Variants in ST7 observed in about 807,000 individuals in gnomAD.
The protein encoded by ST7 is suppressor of tumorigenicity 7 protein.
In ST7, 28 loss-of-function variants were observed where a neutral mutation model predicts 78.7. That is an observed-to-expected ratio of 0.36 (90% CI 0.26 to 0.49). The LOEUF (loss-of-function observed/expected upper bound fraction) is 0.49. Ranked by LOEUF, ST7 falls within the 20% of genes least tolerant of loss-of-function variation. The pLI is 0.99. For missense variants in ST7, 418 were observed against 696.0 expected, an observed-to-expected ratio of 0.60 and a Z score of 4.49; for synonymous variants, 247 against 249.6, an observed-to-expected ratio of 0.99 and a Z score of 0.10.
In ST7 at chr7:117,197,947, G is replaced by A. The variant is rs1035885009; in HGVS notation, c.1254+7011G>A. Among the ~76,000 whole-genome samples, 11 of 152,240 alleles carry A rather than the reference G, an allele frequency of 7.2e-5. No individual in the cohort carries two copies. In the East Asian group the frequency reaches 1.9e-3, roughly 27 times the overall value. ...ACAAACAAAAAAATTAGCTGGGTGT[G>A]GTGGCATACTCTACTTGGGAGGCTG... On this transcript the variant is annotated intron_variant, in intron 12 of 15. Transcript: ENST00000323984.
intron 1 of ST7, among the ~76,000 whole-genome samples, chr7:117,001,962 A>T (rs1006260099): frequency 2.0e-5 from 3 of 152,196 alleles, no homozygotes; most frequent in Non-Finnish European, 2.9e-5. Context: ...GTGGTGGCTC[A>T]CGCCTGTAAT....
chr7:117,225,151 T>A (rs758190233), intron 15 of ST7, among the ~76,000 whole-genome samples: 23 of 152,328 alleles, frequency 1.5e-4, no homozygotes, highest in Non-Finnish European at 2.4e-4. Context: ...GGGTGTTCTC[T>A]AGGACTGGCC....
At chr7:116,998,021 T>C (rs1468752995) in intron 1 of ST7, among the ~76,000 whole-genome samples, 2 of 152,228 alleles carry the variant, frequency 1.3e-5, no homozygotes, top group African/African-American at 4.8e-5. Context: ...GGACGGTCGA[T>C]GGGACCAGGT....
At chr7:117,145,027 C>T (rs548497436) in intron 9 of ST7, among the ~76,000 whole-genome samples, 4 of 151,996 alleles carry the variant, frequency 2.6e-5, no homozygotes, top group African/African-American at 9.7e-5. Context: ...TGGTAAAACC[C>T]CATCTCTACT....
intron 1 of ST7, among the ~76,000 whole-genome samples, chr7:116,963,786 C>T (rs1377488851): frequency 6.6e-6 from 1 of 152,002 alleles, no homozygotes; most frequent in Non-Finnish European, 1.5e-5. Context: ...GTGCATGCCA[C>T]CATACCTGGC....
chr7:117,143,874 T>C (rs746367397), intron 9 of ST7, among the ~76,000 whole-genome samples: 1 of 152,212 alleles, frequency 6.6e-6, no homozygotes, highest in Non-Finnish European at 1.5e-5. Context: ...AACATAGGTA[T>C]AATTTGATTC....
At chr7:117,038,708 G>A (rs1797037556) in intron 1 of ST7, among the ~76,000 whole-genome samples, 1 of 152,162 alleles carries the variant, frequency 6.6e-6, no homozygotes. Context: ...CACTTGGAAG[G>A]CAGTGTATTA....
chr7:117,018,925 C>T (rs1300218853), intron 1 of ST7, among the ~76,000 whole-genome samples: 2 of 152,092 alleles, frequency 1.3e-5, no homozygotes, highest in Admixed American at 1.3e-4. Context: ...ATCAAGTTAC[C>T]CTGAATAAAC....
intron 1 of ST7, among the ~76,000 whole-genome samples, chr7:117,091,603 A>G (rs1298694434): frequency 2.0e-5 from 3 of 152,206 alleles, no homozygotes; most frequent in South Asian, 2.1e-4. Flanking sequence ...CGCTCGGGGC[A>G]CATAGAGTTG....
intron 1 of ST7, among the ~76,000 whole-genome samples, chr7:117,030,272 G>A (rs976399218): frequency 3.3e-5 from 5 of 152,152 alleles, no homozygotes; most frequent in African/African-American, 1.2e-4. Context: ...GGAGTGGAAT[G>A]ACTTATATTA....
chr7:117,063,601 T>C (rs1197824806), intron 1 of ST7, among the ~76,000 whole-genome samples: 2 of 152,054 alleles, frequency 1.3e-5, no homozygotes, highest in African/African-American at 4.8e-5. Context: ...CCCAGCTACC[T>C]GAGAGGCTGA....
chr7:117,174,732 T>C (rs138916661), intron 10 of ST7, among the ~76,000 whole-genome samples: 34 of 152,284 alleles, frequency 2.2e-4, no homozygotes, highest in Middle Eastern at 3.4e-3. Flanking sequence ...GCCAAGCATG[T>C]TATTAGCTTG....
chr7:117,132,374 AT>A (rs1420965584), intron 6 of ST7, among the ~76,000 whole-genome samples: 1 of 151,876 alleles, frequency 6.6e-6, no homozygotes, highest in Non-Finnish European at 1.5e-5. Context: ...TAAAAAAAAA[AT>A]TTTAGAAAAT....
intron 1 of ST7, among the ~76,000 whole-genome samples, chr7:117,095,732 G>GC (rs1800978494): frequency 6.6e-6 from 1 of 152,086 alleles, no homozygotes; most frequent in African/African-American, 2.4e-5. Flanking sequence ...GTTTTGCCTA[G>GC]CCCTAACAAG....
At chr7:117,097,097 G>A (rs989351182) in intron 1 of ST7, among the ~76,000 whole-genome samples, 1 of 151,622 alleles carries the variant, frequency 6.6e-6, no homozygotes, top group African/African-American at 2.4e-5. Flanking sequence ...GCCTCCAGTG[G>A]ATCAGTGATT....
At chr7:117,106,192 G>T (rs1236588396) in intron 2 of ST7, among the ~76,000 whole-genome samples, 22 of 151,818 alleles carry the variant, frequency 1.4e-4, no homozygotes, top group Non-Finnish European at 3.1e-4. Flanking sequence ...TAGAGACGGG[G>T]TTTCACCTTG....
At chr7:117,108,171 A>G (rs532637644) in intron 2 of ST7, among the ~76,000 whole-genome samples, 1 of 152,132 alleles carries the variant, frequency 6.6e-6, no homozygotes, top group Admixed American at 6.5e-5. Context: ...GCCTAAGCCA[A>G]TGTCTAGAAG....
intron 1 of ST7, among the ~76,000 whole-genome samples, chr7:117,083,147 C>T (rs532242587): frequency 2.6e-5 from 4 of 152,268 alleles, no homozygotes; most frequent in East Asian, 1.9e-4. Flanking sequence ...GCAGTCTCTA[C>T]CTCCCAGTTT....
chr7:117,219,965 TA>T lies in ST7; in HGVS notation c.1498+790del, dbSNP rs1414635948. Among the ~76,000 whole-genome samples the T allele has an allele frequency of 1.3e-5, 2 of 152,192 alleles. No homozygotes were observed. Among genetic ancestry groups the T allele is most frequent in the Non-Finnish European group, 2.9e-5 (2 of 68,026 alleles). On this transcript the variant is annotated intron_variant, in intron 14 of 15. Transcript: ENST00000323984. This position sits in a 1 kb window ranked among gnomAD's most constrained non-coding sequence, Gnocchi z 5.1. Reference sequence around the variant, plus strand: ...TCAGGCTCTTCATGTGGCCCAGACTTAGGATATATTTTTCTCCCTCAGATAA... The same window carrying T: ...TCAGGCTCTTCATGTGGCCCAGACTTGGATATATTTTTCTCCCTCAGATAA...
Sources: allele counts gnomAD v4.1 joint callset (sites outside exome capture counted in the v4.1 genomes callset), GRCh38; gene constraint gnomAD v4.1.1; non-coding constraint Gnocchi (gnomAD v3.1); transcripts MANE v1.5; gene names NCBI Gene and HGNC (gene_info 2026-07-23, HGNC 2026-07-21).